Variants in MYT1L observed in about 807,000 individuals in gnomAD.
The protein encoded by MYT1L is myelin transcription factor 1-like protein.
MYT1L carries 12 observed loss-of-function variants against 126.7 expected under a neutral mutation model. That is an observed-to-expected ratio of 0.09 (90% confidence interval 0.06 to 0.15). MYT1L has a LOEUF of 0.15. Among genes scored for constraint, MYT1L ranks in the 10% least tolerant of loss-of-function variants. The pLI, the probability that MYT1L is intolerant of heterozygous loss-of-function variation, is 1.00. For synonymous variants in MYT1L, 541 were observed against 604.2 expected, an observed-to-expected ratio of 0.90 and a Z score of 1.53; for missense variants, 979 against 1,585.2, an observed-to-expected ratio of 0.62 and a Z score of 6.49.
At chr2:2,000,583 G>A (rs999516568) in intron 4 of MYT1L, among the ~76,000 whole-genome samples, 4 of 152,088 alleles carry the variant, frequency 2.6e-5, no homozygotes, top group East Asian at 1.9e-4. Flanking sequence ...TGCCTGCCCC[G>A]CTCCTCTGCC....
At chr2:2,326,251 G>A (rs2096245033) in intron 1 of MYT1L, 1 of 152,262 alleles carries the variant, frequency 6.6e-6, no homozygotes, top group Non-Finnish European at 1.5e-5. Context: ...CAGCACGAGG[G>A]AGCAGCCACT....
intron 19 of MYT1L, among the ~76,000 whole-genome samples, chr2:1,844,867 C>T (rs532312422): frequency 6.6e-6 from 1 of 152,302 alleles, no homozygotes; most frequent in South Asian, 2.1e-4. Flanking sequence ...CTTCCCGAGC[C>T]CTGGAGGGAG....
chr2:2,090,623 A>G (rs2076821854), intron 3 of MYT1L, among the ~76,000 whole-genome samples: 1 of 152,120 alleles, frequency 6.6e-6, no homozygotes, highest in Non-Finnish European at 1.5e-5. Context: ...AGTTTTCCAT[A>G]TCTATTGGAA....
intron 2 of MYT1L, among the ~76,000 whole-genome samples, chr2:2,226,727 G>A (rs1310226068): frequency 1.3e-5 from 2 of 152,080 alleles, no homozygotes; most frequent in African/African-American, 4.8e-5. Context: ...ACCCAGCCCA[G>A]AGCAACACTC....
intron 18 of MYT1L, among the ~76,000 whole-genome samples, chr2:1,880,677 G>C (rs955359456): frequency 2.0e-5 from 3 of 152,178 alleles, no homozygotes; most frequent in Admixed American, 6.5e-5. Flanking sequence ...CTTGCTACCA[G>C]TACTGTCCCG....
At chr2:2,073,408 G>A (rs559442427) in intron 3 of MYT1L, among the ~76,000 whole-genome samples, 1 of 152,146 alleles carries the variant, frequency 6.6e-6, no homozygotes, top group Non-Finnish European at 1.5e-5. Flanking sequence ...TCATCCTAAT[G>A]AAGAGACTTC....
At chr2:2,107,442 C>A (rs1484960673) in intron 3 of MYT1L, among the ~76,000 whole-genome samples, 1 of 152,204 alleles carries the variant, frequency 6.6e-6, no homozygotes, top group Admixed American at 6.5e-5. Flanking sequence ...GCCTGTGAAT[C>A]CTAAAACACT....
intron 4 of MYT1L, among the ~76,000 whole-genome samples, chr2:2,027,031 G>A (rs535008414): frequency 2.6e-5 from 4 of 152,128 alleles, no homozygotes; most frequent in East Asian, 1.9e-4. Flanking sequence ...ACATCGGATC[G>A]CTCCACCTGG....
chr2:2,201,642 G>A (rs1388546913), intron 2 of MYT1L, among the ~76,000 whole-genome samples: 2 of 151,682 alleles, frequency 1.3e-5, no homozygotes, highest in African/African-American at 2.4e-5. Flanking sequence ...AAGCTGCAGG[G>A]AGTTGAGATT....
At chr2:1,867,467 C>T (rs184279492) in intron 18 of MYT1L, among the ~76,000 whole-genome samples, 5 of 152,144 alleles carry the variant, frequency 3.3e-5, no homozygotes, top group African/African-American at 1.2e-4. Context: ...CTACTAATCA[C>T]CAACTTGAAT....
chr2:1,975,146 G>A (rs1486363048), intron 8 of MYT1L, among the ~76,000 whole-genome samples: 1 of 148,122 alleles, frequency 6.8e-6, no homozygotes, highest in Non-Finnish European at 1.5e-5. Flanking sequence ...TTTCGTACAA[G>A]CCCGTAACTA....
intron 9 of MYT1L, among the ~76,000 whole-genome samples, chr2:1,939,164 G>A (rs1438077336): frequency 1.3e-5 from 2 of 152,220 alleles, no homozygotes; most frequent in African/African-American, 4.8e-5. Context: ...TGCCACGCAG[G>A]ATGGGCGCGG....
chr2:2,106,738 A>T (rs1477997305), intron 3 of MYT1L, among the ~76,000 whole-genome samples: 1 of 152,224 alleles, frequency 6.6e-6, no homozygotes, highest in Non-Finnish European at 1.5e-5. Context: ...ATGTCCTCTC[A>T]GTTTCTTGCA....
intron 19 of MYT1L, chr2:1,842,534 C>A (rs540555308): frequency 6.6e-6 from 1 of 152,278 alleles, no homozygotes; most frequent in African/African-American, 2.4e-5. Context: ...TTCTTCTCCC[C>A]GCCCTCTTAA....
At chr2:2,087,075 G>A (rs933187028) in intron 3 of MYT1L, among the ~76,000 whole-genome samples, 4 of 152,128 alleles carry the variant, frequency 2.6e-5, no homozygotes, top group African/African-American at 9.7e-5. Context: ...TGACCCCACT[G>A]TCCCCTGCAA....
chr2:1,808,854 T>C (rs1363363665), intron 22 of MYT1L, among the ~76,000 whole-genome samples: 1 of 152,230 alleles, frequency 6.6e-6, no homozygotes, highest in East Asian at 1.9e-4. Context: ...CTTGGGCTCA[T>C]GATTCCGGTG....
intron 9 of MYT1L, among the ~76,000 whole-genome samples, chr2:1,938,482 T>C (rs184035140): frequency 6.6e-6 from 1 of 152,360 alleles, no homozygotes; most frequent in Admixed American, 6.5e-5. Context: ...AAGACCAGCC[T>C]ATGGTAGGTC....
At chr2:2,038,470 A>G (rs906322462) in intron 4 of MYT1L, among the ~76,000 whole-genome samples, 3 of 151,718 alleles carry the variant, frequency 2.0e-5, no homozygotes, top group African/African-American at 2.4e-5. Flanking sequence ...CCATTACTCA[A>G]TGGTTGGCCA....
At chr2:1,911,630 A>G (rs1436832525) in intron 12 of MYT1L, among the ~76,000 whole-genome samples, 1 of 152,118 alleles carries the variant, frequency 6.6e-6, no homozygotes, top group African/African-American at 2.4e-5. Flanking sequence ...GTTTCCATAG[A>G]ATTCCAAGGG....
Sources: gnomAD v4.1 joint callset for allele counts (sites outside exome capture counted in the v4.1 genomes callset) on GRCh38, gnomAD v4.1.1 for gene constraint, MANE v1.5 for transcripts, NCBI Gene and HGNC (gene_info 2026-07-23, HGNC 2026-07-21) for gene names.